COL8A1: variants seen among roughly 807,000 people sequenced by gnomAD.
The protein encoded by COL8A1 is collagen type VIII alpha 1 chain, also known as collagen alpha-1(VIII) chain.
Under a neutral mutation model 42.7 loss-of-function variants are expected in COL8A1, and 21 were observed. The ratio of observed to expected loss-of-function variants is 0.49; its 90% CI spans 0.35 to 0.71. COL8A1 has a LOEUF of 0.71. Among genes scored for constraint, COL8A1 ranks in the 30% least tolerant of loss-of-function variants. The probability of loss-of-function intolerance (pLI) is 0.01; values close to 1 mark genes in which losing one functional copy is unlikely to be tolerated. For synonymous variants in COL8A1, 367 were observed against 369.1 expected, an observed-to-expected ratio of 0.99 and a Z score of 0.06; for missense variants, 788 against 962.4, an observed-to-expected ratio of 0.82 and a Z score of 2.40.
chr3:99,639,699 T>C (rs914975843), intron 1 of COL8A1, among the ~76,000 whole-genome samples: 4 of 152,222 alleles, frequency 2.6e-5, no homozygotes, highest in African/African-American at 9.6e-5. Flanking sequence ...ACCAGACACT[T>C]GGTCCATGAA....
intron 1 of COL8A1, among the ~76,000 whole-genome samples, chr3:99,698,356 G>A (rs1410183442): frequency 6.6e-6 from 1 of 152,136 alleles, no homozygotes; most frequent in Admixed American, 6.5e-5. Context: ...TGGATCAAAT[G>A]GTATTTCTAG....
chr3:99,639,151 C>A (rs1056894591), intron 1 of COL8A1, among the ~76,000 whole-genome samples: 1 of 152,148 alleles, frequency 6.6e-6, no homozygotes, highest in Non-Finnish European at 1.5e-5. Flanking sequence ...AAAAAAATAT[C>A]TTTCCAGGTT....
intron 1 of COL8A1, among the ~76,000 whole-genome samples, chr3:99,723,003 T>TTGTGTGTGTGTGTGTGTG (rs34062497): frequency 6.8e-6 from 1 of 147,078 alleles, no homozygotes; most frequent in African/African-American, 2.5e-5. Context: ...GAGACCAAAG[T>TTGTGTGTGTGTGTGTGTG]TGTGTGTGTG....
intron 1 of COL8A1, among the ~76,000 whole-genome samples, chr3:99,733,471 C>T (rs1192180544): frequency 6.7e-6 from 1 of 148,296 alleles, no homozygotes; most frequent in African/African-American, 2.5e-5. Context: ...CTACAAAGGA[C>T]ATGAACTCAT....
At chr3:99,702,891 G>C (rs1043368762) in intron 1 of COL8A1, among the ~76,000 whole-genome samples, 9 of 152,164 alleles carry the variant, frequency 5.9e-5, no homozygotes, top group African/African-American at 1.9e-4. Flanking sequence ...GTCAAGGAAG[G>C]CTTCAGGGTA....
At chr3:99,668,501 A>G (rs184483920) in intron 1 of COL8A1, among the ~76,000 whole-genome samples, 16 of 152,304 alleles carry the variant, frequency 1.1e-4, no homozygotes, top group Admixed American at 9.8e-4. Flanking sequence ...ATAGAAACAT[A>G]TCGAAGATCA....
intron 2 of COL8A1, among the ~76,000 whole-genome samples, chr3:99,759,382 A>G (rs908533543): frequency 2.6e-5 from 4 of 152,208 alleles, no homozygotes; most frequent in African/African-American, 9.6e-5. Context: ...TTATAAGGCT[A>G]AAAAGCGACA....
intron 2 of COL8A1, among the ~76,000 whole-genome samples, chr3:99,755,786 GGCCAGA>G (rs1367578011): frequency 6.6e-6 from 1 of 152,196 alleles, no homozygotes; most frequent in Non-Finnish European, 1.5e-5. Flanking sequence ...GAAGACCACT[GGCCAGA>G]GCCTGGTAAC....
chr3:99,684,494 T>C (rs1367799003), intron 1 of COL8A1, among the ~76,000 whole-genome samples: 1 of 152,168 alleles, frequency 6.6e-6, no homozygotes, highest in African/African-American at 2.4e-5. Flanking sequence ...GATAGAACAG[T>C]ATACATAAGG....
chr3:99,794,413 C>G lies in COL8A1; in HGVS notation c.512C>G (p.Ala171Gly). The G allele has an allele frequency of 2.5e-6, 4 of 1,613,926 alleles. No homozygotes were observed. The highest frequency in any genetic ancestry group is 3.4e-6 in the Non-Finnish European group (4 of 1,179,934). ...GMPGMPGKPG[A>G]MGMPGAKGEI... ...CCTGGAATGCCAGGGAAGCCAGGAG[C>G]CATGGGCATGCCTGGGGCAAAAGGA... The change falls in exon 4 of 4, where the codon GCC (alanine) becomes GGC (glycine). Residue 171 changes from alanine to glycine, a missense_variant. By Grantham distance (60) the Ala-to-Gly change is moderately conservative. Coordinates refer to ENST00000652472, the MANE Select transcript of COL8A1 (RefSeq NM_020351.4). This position sits in a 1 kb window ranked among gnomAD's most constrained non-coding sequence, Gnocchi z 4.3.
chr3:99,769,898 A>G (rs793481), intron 2 of COL8A1, among the ~76,000 whole-genome samples: 77,830 of 151,978 alleles, frequency 0.51, 20,169 homozygotes, highest in East Asian at 0.67. Context: ...CAGCCTGGGC[A>G]ACAGAGTTAG....
chr3:99,765,724 C>G (rs977844609), intron 2 of COL8A1, among the ~76,000 whole-genome samples: 2 of 152,164 alleles, frequency 1.3e-5, no homozygotes, highest in African/African-American at 4.8e-5. Flanking sequence ...GCTCCTTTAA[C>G]TCCTTTTGGT....
intron 1 of COL8A1, among the ~76,000 whole-genome samples, chr3:99,742,047 A>G (rs1468867825): frequency 6.6e-6 from 1 of 152,170 alleles, no homozygotes; most frequent in Non-Finnish European, 1.5e-5. Flanking sequence ...TCATTGCTTC[A>G]TAATTCATTT....
intron 2 of COL8A1, among the ~76,000 whole-genome samples, chr3:99,782,173 C>T (rs181991783): frequency 1.3e-5 from 2 of 152,142 alleles, no homozygotes; most frequent in African/African-American, 4.8e-5. Context: ...CCCTAAACCA[C>T]GTTTCTTATT....
intron 1 of COL8A1, among the ~76,000 whole-genome samples, chr3:99,673,949 A>ATAG (rs546748655): frequency 2.1e-3 from 319 of 152,226 alleles, no homozygotes; most frequent in African/African-American, 7.4e-3. Flanking sequence ...CGCATTTAGA[A>ATAG]TAGTTCCCCA....
At position 99,736,023 on chromosome 3, in the gene COL8A1, C is replaced by A. The variant is rs1283845204; in HGVS notation, c.-128-8874C>A. Among the ~76,000 whole-genome samples, 7 of 120,080 alleles carry A rather than the reference C, an allele frequency of 5.8e-5. No homozygotes were observed. In the East Asian group the frequency reaches 1.8e-3, roughly 31 times the overall value. The allele number at this position is 120,080 out of a possible 152,430, so 78.8% of individuals were successfully genotyped here. ...TCCCCTTTATCATTTTTTATTGCATCTATTTGATTCTTCTCTCTTTTTTTC... is the reference window on the plus strand; with the variant it reads ...TCCCCTTTATCATTTTTTATTGCATATATTTGATTCTTCTCTCTTTTTTTC... On this transcript the variant is annotated intron_variant, in intron 1 of 3. Transcript: ENST00000652472.
intron 1 of COL8A1, among the ~76,000 whole-genome samples, chr3:99,734,293 T>G (rs1298650074): frequency 1.4e-5 from 2 of 140,082 alleles, no homozygotes; most frequent in African/African-American, 2.9e-5. Context: ...GTCTAACATT[T>G]AAGTCTTCAA....
intron 1 of COL8A1, among the ~76,000 whole-genome samples, chr3:99,733,618 T>C (rs1429881320): frequency 6.6e-6 from 1 of 152,090 alleles, no homozygotes; most frequent in Non-Finnish European, 1.5e-5. Context: ...TACGTGTGTA[T>C]GTGTCTTTAT....
intron 1 of COL8A1, among the ~76,000 whole-genome samples, chr3:99,664,280 G>T (rs909782825): frequency 7.2e-5 from 11 of 152,092 alleles, no homozygotes; most frequent in Admixed American, 7.2e-4. Flanking sequence ...ACAACTTAGG[G>T]CCTCAACTAC....
Sources: allele counts gnomAD v4.1 joint callset (sites outside exome capture counted in the v4.1 genomes callset), GRCh38; gene constraint gnomAD v4.1.1; non-coding constraint Gnocchi (gnomAD v3.1); transcripts MANE v1.5; gene names NCBI Gene and HGNC (gene_info 2026-07-23, HGNC 2026-07-21).